MLC1: variants seen among roughly 807,000 people sequenced by gnomAD.
The protein encoded by MLC1 is membrane protein MLC1.
In MLC1, 32 loss-of-function variants were observed where a neutral mutation model predicts 44.7. That is an observed-to-expected ratio of 0.72 (90% CI 0.54 to 0.96). The LOEUF (loss-of-function observed/expected upper bound fraction) is 0.96. MLC1 is among the 40% of genes least tolerant of loss of function. MLC1 has a pLI of 0.00. For missense variants in MLC1, 459 were observed against 492.2 expected (o/e 0.93, Z 0.64); for synonymous variants, 190 against 213.0 (o/e 0.89, Z 0.94).
rs372824215 is a variant in MLC1, at chr22:50,059,534, C to T, written c.*2049G>A. 2.6e-5 allele frequency: 4 copies of T among 152,364 alleles called. No individual in the cohort carries two copies. Among genetic ancestry groups the T allele is most frequent in the Non-Finnish European group, 2.9e-5 (2 of 68,042 alleles). 9.4% of individuals were successfully genotyped at this position (152,364 alleles called of 1,614,324 possible). A position where few individuals can be genotyped will look rare whatever the true frequency, so the allele number is the denominator to read the frequency against. On this transcript the variant is annotated 3_prime_UTR_variant, in exon 12 of 12. Coordinates refer to ENST00000311597, the MANE Select transcript of MLC1 (RefSeq NM_015166.4). ...AAGAAAGTGCAAGCCAGCAAAAACG[C>T]TCCAAGTGCCTAATTCTGACTCTGA... is the stretch of plus-strand genomic sequence containing the variant.
intron 6 of MLC1, 84 bp downstream of exon 6, chr22:50,077,317 G>T: frequency 8.0e-7 from 1 of 1,244,006 alleles, no homozygotes. Flanking sequence ...TCGGCCCTCC[G>T]AGGGTGACGC....
intron 10 of MLC1, among the ~76,000 whole-genome samples, chr22:50,064,464 A>T (rs61350648): frequency 6.6e-6 from 1 of 152,210 alleles, no homozygotes; most frequent in African/African-American, 2.4e-5. Context: ...CCCCGTGGAC[A>T]GTGCTGGCTG....
chr22:50,081,017 G>GAAAGAAAGAAAGAA (rs1555968017), intron 3 of MLC1, among the ~76,000 whole-genome samples: 3 of 139,126 alleles, frequency 2.2e-5, no homozygotes, highest in South Asian at 2.4e-4. Flanking sequence ...AAAAAAGAAA[G>GAAAGAAAGAAAGAA]AAAGAAAGAA....
intron 3 of MLC1, 75 bp from the exon 4 acceptor site, chr22:50,080,472 C>T (rs1002875711): frequency 9.0e-6 from 13 of 1,443,836 alleles, no homozygotes; most frequent in African/African-American, 7.1e-5. Context: ...CTAACATTTG[C>T]GCTTCCAGAA....
intron 10 of MLC1, among the ~76,000 whole-genome samples, chr22:50,066,477 T>C (rs1002596713): frequency 6.6e-6 from 1 of 152,120 alleles, no homozygotes; most frequent in Non-Finnish European, 1.5e-5. Flanking sequence ...CTGGCCAACA[T>C]AGTGAAACCC....
chr22:50,075,761 G>A (rs1336674201), intron 7 of MLC1, among the ~76,000 whole-genome samples: 1 of 151,920 alleles, frequency 6.6e-6, no homozygotes, highest in East Asian at 1.9e-4. Flanking sequence ...CCTAAGAGAG[G>A]ACTGAAATGC....
At chr22:50,065,884 AG>A (rs2061691574) in intron 10 of MLC1, among the ~76,000 whole-genome samples, 2 of 152,216 alleles carry the variant, frequency 1.3e-5, no homozygotes, top group Non-Finnish European at 2.9e-5. Flanking sequence ...TTGTTCACGG[AG>A]GAGTTATTTA....
At chr22:50,068,690 C>A in intron 9 of MLC1, 135 bp from the exon 10 acceptor site, 1 of 886,264 alleles carries the variant, frequency 1.1e-6, no homozygotes, top group Non-Finnish European at 1.8e-6. Flanking sequence ...CTGCATGACT[C>A]CTGCTGAAAC....
At chr22:50,082,313 T>C (rs2062166193) in intron 3 of MLC1, among the ~76,000 whole-genome samples, 1 of 152,220 alleles carries the variant, frequency 6.6e-6, no homozygotes, top group Non-Finnish European at 1.5e-5. Flanking sequence ...CATGGTGCTC[T>C]AGCTGCCGGG....
chr22:50,075,570 C>T (rs1391192665), intron 7 of MLC1, among the ~76,000 whole-genome samples: 2 of 151,976 alleles, frequency 1.3e-5, no homozygotes, highest in Non-Finnish European at 2.9e-5. Flanking sequence ...ATTAGCTGGG[C>T]GTGGTGGCGG....
chr22:50,080,013 T>C lies in MLC1; in HGVS notation c.328A>G (p.Asn110Asp). 2 of 1,613,354 alleles carry C rather than the reference T, an allele frequency of 1.2e-6. No individual in the cohort carries two copies. Among genetic ancestry groups the C allele is most frequent in the African/African-American group, 2.7e-5 (2 of 75,052 alleles). Residue 110 changes from asparagine to aspartate, a missense_variant, in exon 5 of 12, where the codon AAC becomes GAC. Coordinates refer to ENST00000311597, the MANE Select transcript of MLC1 (RefSeq NM_015166.4). ...VSRRNANVIPNFQILFVSTFA... is the reference protein window; with the variant it reads ...VSRRNANVIPDFQILFVSTFA... The stretch of plus-strand genomic sequence containing the variant: ...GTGGAAACAAACAATATCTGAAAGT[T>C]GGGAATCTGAAAAACAAGGCAGGAG...
chr22:50,077,729 G>A (rs2062019441), intron 5 of MLC1, among the ~76,000 whole-genome samples: 1 of 152,172 alleles, frequency 6.6e-6, no homozygotes, highest in African/African-American at 2.4e-5. Context: ...TGCAAAGGCT[G>A]TACAAACACA....
At chr22:50,074,176 G>A in intron 8 of MLC1, 40 bp downstream of exon 8, 1 of 1,521,608 alleles carries the variant, frequency 6.6e-7, no homozygotes, top group South Asian at 1.1e-5. Flanking sequence ...TGAGCAGTGT[G>A]GCCCAGAGCG....
chr22:50,080,061 A>C (rs1258416216), intron 4 of MLC1, 42 bp from the exon 5 acceptor site: 2 of 1,454,334 alleles, frequency 1.4e-6, no homozygotes, highest in Non-Finnish European at 1.9e-6. Flanking sequence ...TTTGAATAAT[A>C]AAAGAAAAAA....
At chr22:50,079,809 G>T in intron 5 of MLC1, 109 bp downstream of exon 5, 1 of 851,444 alleles carries the variant, frequency 1.2e-6, no homozygotes. Flanking sequence ...CTCACGAGCT[G>T]TGAATAACAT....
In MLC1 at chr22:50,074,235, A is replaced by T; in HGVS notation, c.695T>A (p.Phe232Tyr). The change falls in exon 8 of 12, where the codon TTC becomes TAC. Residue 232 changes from phenylalanine to tyrosine, a missense_variant. By Grantham distance (22) the Phe-to-Tyr change is conservative. Coordinates refer to ENST00000311597, the MANE Select transcript of MLC1 (RefSeq NM_015166.4). ...SVSGPHLSVT[F>Y]FWILVACFPS... ...ACTCACGGCCACTAGGATCCAAAAG[A>T]ACGTCACTGAGAGGTGTGGGCCTGA... 1 of 1,613,664 alleles carries T rather than the reference A, an allele frequency of 6.2e-7. No individual in the cohort carries two copies. Among genetic ancestry groups the T allele is most frequent in the Non-Finnish European group, 8.5e-7 (1 of 1,179,868 alleles).
In MLC1 at chr22:50,061,336, A is replaced by G; in HGVS notation, c.*247T>C. ...TTCCTCGGCCTGGGAAGTTGCGGCCATGCTCCTGCTGTTACGACACGGGAG... is the reference window on the plus strand; with the variant it reads ...TTCCTCGGCCTGGGAAGTTGCGGCCGTGCTCCTGCTGTTACGACACGGGAG... On this transcript the variant is annotated 3_prime_UTR_variant, in exon 12 of 12. Coordinates refer to ENST00000311597, the MANE Select transcript of MLC1 (RefSeq NM_015166.4). 1.3e-5 allele frequency: 7 copies of G among 559,846 alleles called. No individual in the cohort carries two copies. Among genetic ancestry groups the G allele is most frequent in the South Asian group, 5.9e-5 (3 of 50,532 alleles). The allele number at this position is 559,846 out of a possible 1,614,324, so 34.7% of individuals were successfully genotyped here.
intron 10 of MLC1, 130 bp downstream of exon 10, chr22:50,068,303 G>A (rs2061762197): frequency 3.7e-6 from 5 of 1,351,936 alleles, no homozygotes; most frequent in Non-Finnish European, 5.1e-6. Flanking sequence ...CCCAGGAACA[G>A]CGGAGGAGGT....
Position 50,083,083 on chromosome 22 carries a change from C to A in MLC1, c.267+1G>T. On this transcript the variant is annotated splice_donor_variant, in intron 3 of 11. Transcript: ENST00000311597. LOFTEE classifies it high-confidence loss of function. The surrounding 1 kb of genome is among the most constrained non-coding windows in gnomAD (Gnocchi z 4.6). ...GCAGAGGCGTGGAGGAAGCTGCTTACAGAGCCTGCAGCACAGCGCAAGTAA... is the reference window on the plus strand; with the variant it reads ...GCAGAGGCGTGGAGGAAGCTGCTTAAAGAGCCTGCAGCACAGCGCAAGTAA... 6.2e-7 allele frequency: 1 copy of A among 1,614,002 alleles called. No individual in the cohort carries two copies. Among genetic ancestry groups the A allele is most frequent in the African/African-American group, 1.3e-5 (1 of 75,026 alleles).
Sources: allele counts gnomAD v4.1 joint callset (sites outside exome capture counted in the v4.1 genomes callset), GRCh38; gene constraint gnomAD v4.1.1; non-coding constraint Gnocchi (gnomAD v3.1); transcripts MANE v1.5; gene names NCBI Gene and HGNC (gene_info 2026-07-23, HGNC 2026-07-21).